The following FREM1 variants were observed in gnomAD, a reference collection of about 807,000 sequenced individuals.
The protein encoded by FREM1 is FRAS1 related extracellular matrix 1.
FREM1 carries 220 observed loss-of-function variants against 210.1 expected under a neutral mutation model. The ratio of observed to expected loss-of-function variants is 1.05; its 90% CI spans 0.94 to 1.17. The LOEUF (loss-of-function observed/expected upper bound fraction) is 1.17, where lower values mean the gene tolerates loss of function less well. Among genes scored for constraint, FREM1 ranks in the 50% most tolerant of loss-of-function variants. The probability of loss-of-function intolerance (pLI) is 0.00; values close to 1 mark genes in which losing one functional copy is unlikely to be tolerated. For missense variants in FREM1, 3,454 were observed against 2,675.5 expected (o/e 1.29, Z -6.42); for synonymous variants, 1,189 against 980.2 (o/e 1.21, Z -3.98).
rs1827720850 is a variant in FREM1, at chr9:14,851,373, T to C, written c.1063A>G (p.Ile355Val). 6 of 1,613,684 alleles carry C rather than the reference T, an allele frequency of 3.7e-6. No homozygotes were observed. Among genetic ancestry groups the C allele is most frequent in the Non-Finnish European group, 5.1e-6 (6 of 1,179,732 alleles). ...AGATCTTTCCAGGTGAATGAGGAGA[T>C]TGGTCTGGTGTGATCCAACAGGTGA... Reference protein sequence around the residue: ...VTHLLDHTRPISSFTWKDLSD... With the variant: ...VTHLLDHTRPVSSFTWKDLSD... Residue 355 changes from isoleucine to valine, a missense_variant, in exon 6 of 37, where the codon ATC becomes GTC. By Grantham distance (29) the Ile-to-Val change is conservative. Coordinates refer to ENST00000380880, the MANE Select transcript of FREM1 (RefSeq NM_001379081.2).
intron 11 of FREM1, 110 bp downstream of exon 11, chr9:14,824,686 C>G (rs1822008230): frequency 4.2e-6 from 3 of 721,162 alleles, no homozygotes; most frequent in Admixed American, 2.9e-5. Flanking sequence ...TCATGCCTGA[C>G]CAATGGAGCA....
At chr9:14,743,782 A>C (rs1037862496) in intron 35 of FREM1, among the ~76,000 whole-genome samples, 1 of 152,112 alleles carries the variant, frequency 6.6e-6, no homozygotes, top group Non-Finnish European at 1.5e-5. Context: ...TTTTGTAAGC[A>C]GAGACACCAT....
intron 1 of FREM1, among the ~76,000 whole-genome samples, chr9:14,908,679 T>C (rs1186294128): frequency 1.3e-5 from 2 of 152,168 alleles, no homozygotes; most frequent in African/African-American, 4.8e-5. Flanking sequence ...CTTATTTAGA[T>C]ATAAGGTTTA....
rs1376307582 is a variant in FREM1, at chr9:14,842,333, G to A, written c.1721C>T (p.Pro574Leu). 1 of 1,588,282 alleles carries A rather than the reference G, an allele frequency of 6.3e-7. No individual in the cohort carries two copies. The stretch of plus-strand genomic sequence containing the variant: ...GAACTTACCTATCAGTCCTGGCCCT[G>A]GCTTCTTCATGATCTCCCCAGCCTG... ...PPQAGEIMKK[P>L]GPGLIGYPVH... Residue 574 changes from proline (P) to leucine (L), a missense_variant, in exon 9 of 37, where the codon CCA becomes CTA. By Grantham distance (98) the Pro-to-Leu change is moderately conservative (BLOSUM62 -3). Transcript: ENST00000380880.
Position 14,884,452 on chromosome 9 carries a change from G to A in FREM1, c.-267-15208C>T, listed in dbSNP as rs555795334. ...TAAGCCAATAAACGCCAATAAAGCTGTGTGAAAATTCTTTCTGAAATGTGA... is the reference window on the plus strand; with the variant it reads ...TAAGCCAATAAACGCCAATAAAGCTATGTGAAAATTCTTTCTGAAATGTGA... On this transcript the variant is annotated intron_variant, in intron 1 of 36. Transcript: ENST00000380880. Among the ~76,000 whole-genome samples the A allele has an allele frequency of 5.7e-4, 87 of 152,254 alleles. 1 individual carries two copies. Among genetic ancestry groups the A allele is most frequent in the Non-Finnish European group, 1.0e-3 (69 of 68,022 alleles).
chr9:14,756,088 G>T (rs1262438296), intron 29 of FREM1, among the ~76,000 whole-genome samples: 1 of 152,070 alleles, frequency 6.6e-6, no homozygotes, highest in Admixed American at 6.6e-5. Context: ...ATTTCTAAGT[G>T]ACTGTATTTT....
intron 24 of FREM1, among the ~76,000 whole-genome samples, chr9:14,778,796 A>G (rs751864334): frequency 1.0e-4 from 15 of 144,534 alleles, no homozygotes; most frequent in Admixed American, 8.3e-4. Flanking sequence ...TAGCTTGGAC[A>G]CTCTGGGAGG....
Position 14,857,539 on chromosome 9 carries a change from A to G in FREM1, c.828+14T>C. ...TGAATCCTGGGGGCACCCACACATA[A>G]CCCCAAACTCTACCTTGTACACAAT... On this transcript the variant is annotated intron_variant, in intron 5 of 36. Transcript: ENST00000380880. The G allele has an allele frequency of 6.2e-7, 1 of 1,607,216 alleles. No homozygotes were observed. Among genetic ancestry groups the G allele is most frequent in the Non-Finnish European group, 8.5e-7 (1 of 1,175,116 alleles).
intron 35 of FREM1, among the ~76,000 whole-genome samples, chr9:14,740,706 A>G (rs914671667): frequency 6.6e-6 from 1 of 152,236 alleles, no homozygotes; most frequent in African/African-American, 2.4e-5. Context: ...GTTTAGCCAA[A>G]TAAACACATT....
Position 14,819,276 on chromosome 9 carries a change from C to T in FREM1, c.2504G>A (p.Gly835Glu), listed in dbSNP as rs779979968. The T allele has an allele frequency of 8.1e-6, 13 of 1,613,538 alleles. No individual in the cohort carries two copies. The highest frequency in any genetic ancestry group is 1.0e-5 in the Non-Finnish European group (12 of 1,179,730). The change falls in exon 14 of 37, where the codon GGG (glycine) becomes GAG (glutamate). Residue 835 changes from glycine to glutamate, a missense_variant. Coordinates refer to ENST00000380880, the MANE Select transcript of FREM1 (RefSeq NM_001379081.2). ...GAGATCGCCCCAAGAAAATGTGCCC[C>T]CTGAATTTAGAGGAAATCCATTCAG... Reference protein sequence around the residue: ...VELNGFPLNSGGTFSWGDLHT... With the variant: ...VELNGFPLNSEGTFSWGDLHT...
intron 17 of FREM1, 104 bp downstream of exon 17, chr9:14,807,835 TG>T: frequency 1.2e-6 from 1 of 816,378 alleles, no homozygotes; most frequent in Non-Finnish European, 1.9e-6. Context: ...CAATTCCATA[TG>T]GTGGTTTTCT....
chr9:14,784,495 A>T lies in FREM1; in HGVS notation c.4317T>A (p.Tyr1439Ter). The T allele has an allele frequency of 6.2e-7, 1 of 1,613,914 alleles. No individual in the cohort carries two copies. The highest frequency in any genetic ancestry group is 8.5e-7 in the Non-Finnish European group (1 of 1,179,846). ...GATAGTGAACATATTCGATCTGGCCATATCGCGGAGGGGAGGTGATGACAT... is the reference window on the plus strand; with the variant it reads ...GATAGTGAACATATTCGATCTGGCCTTATCGCGGAGGGGAGGTGATGACAT... Reference protein sequence around the residue: ...LLYVITSPPRYGQIEYVHYPG... With the variant: ...LLYVITSPPR Residue 1439 changes from tyrosine to a stop codon, truncating the protein, a stop_gained, in exon 24 of 37, where the codon TAT becomes TAA. Transcript: ENST00000380880. LOFTEE classifies it high-confidence loss of function.
chr9:14,833,408 C>A (rs1823943384), intron 10 of FREM1, among the ~76,000 whole-genome samples: 1 of 152,182 alleles, frequency 6.6e-6, no homozygotes, highest in African/African-American at 2.4e-5. Context: ...GTTCAGCCTA[C>A]ACCCAGGGAT....
intron 29 of FREM1, among the ~76,000 whole-genome samples, chr9:14,755,130 G>C (rs1844080815): frequency 6.6e-6 from 1 of 152,130 alleles, no homozygotes; most frequent in South Asian, 2.1e-4. Context: ...GCTTGATCTT[G>C]GGCCTCTAGC....
chr9:14,884,223 C>T (rs187070194), intron 1 of FREM1, among the ~76,000 whole-genome samples: 28 of 151,842 alleles, frequency 1.8e-4, no homozygotes, highest in African/African-American at 6.3e-4. Context: ...AGCGAGACTC[C>T]ATCTCAAAAA....
chr9:14,796,805 T>A (rs1563949384), intron 21 of FREM1, among the ~76,000 whole-genome samples: 6 of 152,190 alleles, frequency 3.9e-5, no homozygotes. Context: ...GTCCTCCCAA[T>A]CCCTACAGAG....
intron 1 of FREM1, among the ~76,000 whole-genome samples, chr9:14,882,442 A>T (rs10961767): frequency 0.099 from 14,955 of 150,370 alleles, 1,338 homozygotes; most frequent in African/African-American, 0.24. Flanking sequence ...CCCGATTATT[A>T]TTTTTTTAAT....
At chr9:14,833,176 A>C (rs1039208815) in intron 10 of FREM1, among the ~76,000 whole-genome samples, 1 of 152,172 alleles carries the variant, frequency 6.6e-6, no homozygotes, top group Non-Finnish European at 1.5e-5. Flanking sequence ...CCGATCCATC[A>C]AGGGCAGGGT....
chr9:14,874,477 C>A (rs1202421559), intron 1 of FREM1, among the ~76,000 whole-genome samples: 1 of 150,052 alleles, frequency 6.7e-6, no homozygotes, highest in Non-Finnish European at 1.5e-5. Context: ...TTATCAGAGA[C>A]TAGGATTGCA....
Sources: gnomAD v4.1 joint callset for allele counts (sites outside exome capture counted in the v4.1 genomes callset) on GRCh38, gnomAD v4.1.1 for gene constraint, MANE v1.5 for transcripts, NCBI Gene and HGNC (gene_info 2026-07-23, HGNC 2026-07-21) for gene names.